The following JAZF1 variants were observed in gnomAD, a reference collection of about 807,000 sequenced individuals.
The protein encoded by JAZF1 is juxtaposed with another zinc finger protein 1.
A neutral mutation model predicts 26.4 loss-of-function variants in JAZF1; 8 were observed. The ratio of observed to expected loss-of-function variants is 0.30; its 90% CI spans 0.18 to 0.55. The LOEUF (loss-of-function observed/expected upper bound fraction) is 0.55, where lower values mean the gene tolerates loss of function less well. Ranked by LOEUF, JAZF1 falls within the 20% of genes least tolerant of loss-of-function variation. The pLI is 0.94. For missense variants in JAZF1, 199 were observed against 322.0 expected (o/e 0.62, Z 2.92); for synonymous variants, 126 against 122.3 (o/e 1.03, Z -0.20).
At chr7:27,841,760 T>A (rs1782929801) in intron 3 of JAZF1, 1 of 152,238 alleles carries the variant, frequency 6.6e-6, no homozygotes, top group Admixed American at 6.5e-5. Context: ...TTGCTCTTTT[T>A]TAATGAGGCC....
chr7:27,962,475 G>A (rs146586439), intron 2 of JAZF1, among the ~76,000 whole-genome samples: 1 of 152,132 alleles, frequency 6.6e-6, no homozygotes, highest in East Asian at 1.9e-4. Context: ...GTCAAGACTT[G>A]CTTTTCTAAA....
At chr7:27,929,959 T>C (rs890159790) in intron 2 of JAZF1, among the ~76,000 whole-genome samples, 53 of 146,228 alleles carry the variant, frequency 3.6e-4, no homozygotes, top group Non-Finnish European at 5.4e-4. Context: ...TCTCTCTCTC[T>C]CCCCCTCTCT....
chr7:27,943,534 A>T (rs17156060), intron 2 of JAZF1, among the ~76,000 whole-genome samples: 3,408 of 152,222 alleles, frequency 0.022, 116 homozygotes, highest in African/African-American at 0.07. Flanking sequence ...GGCCCACTTC[A>T]TTACTTCCTC....
At chr7:28,130,289 C>A (rs187365713) in intron 1 of JAZF1, among the ~76,000 whole-genome samples, 1 of 152,088 alleles carries the variant, frequency 6.6e-6, no homozygotes, top group African/African-American at 2.4e-5. Context: ...AAAGACTCTA[C>A]TGGAAAAAAA....
chr7:27,920,007 C>G (rs1284361936), intron 2 of JAZF1, among the ~76,000 whole-genome samples: 2 of 152,158 alleles, frequency 1.3e-5, no homozygotes, highest in African/African-American at 4.8e-5. Flanking sequence ...GACTCTCTTA[C>G]AGGAGTGAAT....
intron 1 of JAZF1, among the ~76,000 whole-genome samples, chr7:28,081,958 A>T (rs1784143773): frequency 6.6e-6 from 1 of 152,220 alleles, no homozygotes; most frequent in South Asian, 2.1e-4. Context: ...TTATAGAATA[A>T]ATCAATGACT....
intron 1 of JAZF1, among the ~76,000 whole-genome samples, chr7:28,010,878 G>A (rs898438203): frequency 6.6e-6 from 1 of 152,212 alleles, no homozygotes; most frequent in African/African-American, 2.4e-5. Flanking sequence ...TCTAACAAGA[G>A]TGTCTACAGA....
chr7:27,869,825 A>G (rs1396324727), intron 3 of JAZF1, among the ~76,000 whole-genome samples: 2 of 152,220 alleles, frequency 1.3e-5, no homozygotes, highest in Admixed American at 1.3e-4. Context: ...CTTTCTGTGC[A>G]AAGTAAAGGG....
At chr7:28,170,076 A>T (rs1332083743) in intron 1 of JAZF1, among the ~76,000 whole-genome samples, 1 of 152,028 alleles carries the variant, frequency 6.6e-6, no homozygotes, top group African/African-American at 2.4e-5. Context: ...CTTAACTCAC[A>T]GTGTTTACAG....
At chr7:27,985,626 C>A (rs1785683072) in intron 2 of JAZF1, among the ~76,000 whole-genome samples, 2 of 152,168 alleles carry the variant, frequency 1.3e-5, no homozygotes, top group Non-Finnish European at 2.9e-5. Context: ...ATCCTGATAT[C>A]AAAGCCTGGC....
intron 1 of JAZF1, among the ~76,000 whole-genome samples, chr7:28,157,244 CAA>C (rs1783200048): frequency 6.6e-6 from 1 of 152,200 alleles, no homozygotes; most frequent in South Asian, 2.1e-4. Flanking sequence ...GATAAGCAGA[CAA>C]AGTGAGAGGA....
intron 1 of JAZF1, among the ~76,000 whole-genome samples, chr7:28,033,190 AT>A (rs1356869355): frequency 3.3e-5 from 5 of 152,210 alleles, no homozygotes; most frequent in Non-Finnish European, 7.3e-5. Flanking sequence ...TCAAGTGAAA[AT>A]AAGGAGACTG....
intron 1 of JAZF1, among the ~76,000 whole-genome samples, chr7:28,111,906 AG>A (rs1337708317): frequency 6.6e-6 from 1 of 152,220 alleles, no homozygotes; most frequent in Admixed American, 6.5e-5. Flanking sequence ...TCAGAGTTCA[AG>A]GAAGAAACAA....
Position 28,110,503 on chromosome 7 carries a change from GAAAAGGAAAGGA to G in JAZF1, c.115+69948_115+69959del, listed in dbSNP as rs1562590914. Reference sequence around the variant, plus strand: ...GAAAGGAAAGGAAAGGAAAGGAAAGGAAAAGGAAAGGAAAAGGAAAAGGAAAAGGAAAGGAAA... The same window carrying G: ...GAAAGGAAAGGAAAGGAAAGGAAAGGAAAGGAAAAGGAAAAGGAAAGGAAA... On this transcript the variant is annotated intron_variant, in intron 1 of 4. Coordinates refer to ENST00000283928, the MANE Select transcript of JAZF1 (RefSeq NM_175061.4). 7.2e-3 allele frequency among the ~76,000 whole-genome samples: 582 copies of G among 80,790 alleles called. 38 individuals are homozygous for G. The East Asian group carries it at 0.24, about 33-fold the overall frequency. The allele number at this position is 80,790 out of a possible 152,430, so 53.0% of individuals were successfully genotyped here.
intron 3 of JAZF1, among the ~76,000 whole-genome samples, chr7:27,859,876 A>G (rs1040610259): frequency 2.0e-5 from 3 of 152,244 alleles, no homozygotes; most frequent in Non-Finnish European, 4.4e-5. Flanking sequence ...ATAAAAAAAG[A>G]AAATGAATAC....
intron 1 of JAZF1, among the ~76,000 whole-genome samples, chr7:28,052,181 C>CT (rs1310784039): frequency 3.9e-5 from 6 of 152,142 alleles, no homozygotes; most frequent in Non-Finnish European, 7.4e-5. Flanking sequence ...TGTAAATAAC[C>CT]TGGGTATATT....
chr7:27,839,032 GC>G (rs1207441987), intron 4 of JAZF1, among the ~76,000 whole-genome samples: 1 of 152,176 alleles, frequency 6.6e-6, no homozygotes, highest in African/African-American at 2.4e-5. Context: ...AGAAACCCAA[GC>G]AAAGGAAAAG....
intron 1 of JAZF1, among the ~76,000 whole-genome samples, chr7:28,078,479 G>A (rs906536697): frequency 6.6e-6 from 1 of 152,096 alleles, no homozygotes; most frequent in African/African-American, 2.4e-5. Context: ...GCCCTCTTGC[G>A]GTAGGCAGGC....
intron 2 of JAZF1, among the ~76,000 whole-genome samples, chr7:27,953,842 A>C (rs1044696746): frequency 5.9e-5 from 9 of 152,230 alleles, no homozygotes; most frequent in Non-Finnish European, 1.0e-4. Context: ...TGGAGAAAAG[A>C]TGGATGTTTA....
Sources: gnomAD v4.1 joint callset for allele counts (sites outside exome capture counted in the v4.1 genomes callset) on GRCh38, gnomAD v4.1.1 for gene constraint, MANE v1.5 for transcripts, NCBI Gene and HGNC (gene_info 2026-07-23, HGNC 2026-07-21) for gene names.